SLC6A13: variants seen among roughly 807,000 people sequenced by gnomAD.
SLC6A13 encodes sodium- and chloride-dependent GABA transporter 2.
In SLC6A13, 69 loss-of-function variants were observed where a neutral mutation model predicts 72.9. That is an observed-to-expected ratio of 0.95 (90% CI 0.78 to 1.16). The LOEUF (loss-of-function observed/expected upper bound fraction) is 1.16, where lower values mean the gene tolerates loss of function less well. SLC6A13 is among the 50% of genes most tolerant of loss of function. The pLI, the probability that SLC6A13 is intolerant of heterozygous loss-of-function variation, is 0.00. For missense variants in SLC6A13, 735 were observed against 760.5 expected (o/e 0.97, Z 0.39); for synonymous variants, 303 against 303.0 (o/e 1.00, Z 0.00).
chr12:259,730 C>G (rs551801002), intron 2 of SLC6A13, 121 bp downstream of exon 2: 3 of 1,598,836 alleles, frequency 1.9e-6, no homozygotes, highest in East Asian at 4.5e-5. Flanking sequence ...GACCTCTAAG[C>G]GTCCTCCTAC....
chr12:245,325 G>A (rs1565503156), intron 2 of SLC6A13, among the ~76,000 whole-genome samples: 1 of 152,154 alleles, frequency 6.6e-6, no homozygotes, highest in Non-Finnish European at 1.5e-5. Flanking sequence ...AATCTTAAAA[G>A]CAAGATATAA....
intron 14 of SLC6A13, 44 bp downstream of exon 14, chr12:221,332 C>G: frequency 6.5e-7 from 1 of 1,529,012 alleles, no homozygotes; most frequent in Admixed American, 2.1e-5. Flanking sequence ...ACCTGCGAAG[C>G]CTCCCAGCCC....
chr12:260,666 A>T (rs1942896643), intron 1 of SLC6A13, among the ~76,000 whole-genome samples: 1 of 150,332 alleles, frequency 6.7e-6, no homozygotes, highest in African/African-American at 2.5e-5. Flanking sequence ...ATATATAATC[A>T]TTAAAACCTG....
At chr12:225,133 C>T (rs531836326) in intron 9 of SLC6A13, among the ~76,000 whole-genome samples, 4 of 152,386 alleles carry the variant, frequency 2.6e-5, no homozygotes, top group African/African-American at 9.6e-5. Flanking sequence ...TCGACTGACT[C>T]ATATGGCAGG....
In SLC6A13 at chr12:223,650, G is replaced by A. The variant is rs190902621; in HGVS notation, c.1311+342C>T. On this transcript the variant is annotated intron_variant, in intron 11 of 14. Transcript: ENST00000343164. ...ACCCAGCCCCAGGCCTCCCTTTCTC[G>A]CTTTGAAGTTTGTACATAGAACTTG... 1.8e-4 allele frequency: 58 copies of A among 329,980 alleles called. 1 individual carries two copies. The highest frequency in any genetic ancestry group is 6.3e-4 in the Admixed American group (15 of 23,948). 20.4% of individuals were successfully genotyped at this position (329,980 alleles called of 1,614,324 possible).
intron 1 of SLC6A13, among the ~76,000 whole-genome samples, chr12:262,373 G>C (rs909922043): frequency 6.6e-5 from 10 of 152,214 alleles, no homozygotes; most frequent in African/African-American, 2.4e-4. Flanking sequence ...GGGGATGATA[G>C]ATAGGATATA....
At chr12:251,868 T>C (rs1332495719) in intron 2 of SLC6A13, among the ~76,000 whole-genome samples, 3 of 151,694 alleles carry the variant, frequency 2.0e-5, no homozygotes, top group Non-Finnish European at 4.4e-5. Flanking sequence ...GAGGCTGTGG[T>C]GGGAAGATCA....
intron 2 of SLC6A13, among the ~76,000 whole-genome samples, chr12:258,792 A>G (rs1004869933): frequency 2.6e-5 from 4 of 152,224 alleles, no homozygotes; most frequent in African/African-American, 2.4e-5. Context: ...TGAGAAGCCA[A>G]TGATGACACA....
At position 242,682 on chromosome 12, in the gene SLC6A13, AG is replaced by A; in HGVS notation, c.409del (p.Leu137CysfsTer36). The A allele has an allele frequency of 6.2e-7, 1 of 1,612,410 alleles. No homozygotes were observed. The highest frequency in any genetic ancestry group is 8.5e-7 in the Non-Finnish European group (1 of 1,179,368). Reference sequence around the variant, plus strand: ...GGTGAAGCTGCTGAAGAGGTAGAACAGGGCCCAGGCCAACACAATGATGTAG... The same window carrying A: ...GGTGAAGCTGCTGAAGAGGTAGAACAGGCCCAGGCCAACACAATGATGTAG... The part of the protein sequence containing the change: ...VYYIIVLAWA[L>X]FYLFSSFTID... On this transcript the variant is annotated frameshift_variant, in exon 4 of 15. Coordinates refer to ENST00000343164, the MANE Select transcript of SLC6A13 (RefSeq NM_016615.5). LOFTEE classifies it high-confidence loss of function.
chr12:262,341 T>C (rs1490264600), intron 1 of SLC6A13, among the ~76,000 whole-genome samples: 1 of 152,320 alleles, frequency 6.6e-6, no homozygotes, highest in South Asian at 2.1e-4. Context: ...CTCTGAGCCT[T>C]AGTTTGTTCA....
chr12:250,480 GTGTA>G (rs1197057281), intron 2 of SLC6A13, among the ~76,000 whole-genome samples: 4 of 152,114 alleles, frequency 2.6e-5, no homozygotes, highest in Admixed American at 2.0e-4. Context: ...CAAATCAATT[GTGTA>G]TGTATTAGGA....
At chr12:256,274 C>T (rs577610690) in intron 2 of SLC6A13, among the ~76,000 whole-genome samples, 3 of 152,050 alleles carry the variant, frequency 2.0e-5, no homozygotes, top group South Asian at 2.1e-4. Flanking sequence ...GCTTTTGCTA[C>T]GTGCTCAGTA....
chr12:260,199 C>A, intron 1 of SLC6A13, 142 bp from the exon 2 acceptor site: 1 of 835,826 alleles, frequency 1.2e-6, no homozygotes, highest in Non-Finnish European at 1.9e-6. Context: ...ACCATGTCCT[C>A]CTTAGCAGTT....
chr12:260,184 T>C, intron 1 of SLC6A13, 127 bp from the exon 2 acceptor site: 1 of 951,120 alleles, frequency 1.1e-6, no homozygotes, highest in Non-Finnish European at 1.6e-6. Flanking sequence ...TTCCCTTCCC[T>C]GTAGACCATG....
At chr12:262,497 T>C (rs578028524) in intron 1 of SLC6A13, among the ~76,000 whole-genome samples, 12 of 152,360 alleles carry the variant, frequency 7.9e-5, no homozygotes, top group Admixed American at 6.5e-4. Context: ...CATTGTTCTC[T>C]TTTCTCAGAG....
At position 224,424 on chromosome 12, in the gene SLC6A13, C is replaced by A. The variant is rs777717835; in HGVS notation, c.1150G>T (p.Val384Phe). 6 of 1,613,914 alleles carry A rather than the reference C, an allele frequency of 3.7e-6. No homozygotes were observed. The highest frequency in any genetic ancestry group is 5.1e-6 in the Non-Finnish European group (6 of 1,179,932). ...LWACCFFFMV[V>F]LLGLDSQFVC... The stretch of plus-strand genomic sequence containing the variant: ...ACCTGGCTATCCAGTCCCAGGAGAA[C>A]GACCATGAAGAAGAAACAGCAGGCC... The change falls in exon 10 of 15, where the codon GTT (valine) becomes TTT (phenylalanine). Residue 384 changes from valine to phenylalanine, a missense_variant. Transcript: ENST00000343164.
intron 2 of SLC6A13, among the ~76,000 whole-genome samples, chr12:248,621 A>G (rs776010464): frequency 6.6e-6 from 1 of 152,210 alleles, no homozygotes; most frequent in South Asian, 2.1e-4. Context: ...GAGCTTCAAA[A>G]TGCACGAAGC....
Position 222,608 on chromosome 12 carries a change from A to C in SLC6A13, c.1439T>G (p.Ile480Ser). The C allele has an allele frequency of 6.2e-7, 1 of 1,609,352 alleles. No homozygotes were observed. Among genetic ancestry groups the C allele is most frequent in the Middle Eastern group, 1.7e-4 (1 of 6,060 alleles). ...VYGAKRFYDN[I>S]EDMIGYRPWP... ...TGGCCTGTACCCAATCATGTCTTCG[A>C]TGTTGTCGTAGAAGCGCTTGGCTCC... Residue 480 changes from isoleucine to serine, a missense_variant, in exon 13 of 15, where the codon ATC (isoleucine) becomes AGC (serine). Ile to Ser is a moderately radical substitution (Grantham distance 142, BLOSUM62 -2). Transcript: ENST00000343164.
intron 5 of SLC6A13, among the ~76,000 whole-genome samples, chr12:237,612 G>A (rs908165144): frequency 6.6e-6 from 1 of 152,066 alleles, no homozygotes; most frequent in Non-Finnish European, 1.5e-5. Flanking sequence ...TGGGGGGAGG[G>A]GGTGGGTCAG....
Sources: gnomAD v4.1 joint callset for allele counts (sites outside exome capture counted in the v4.1 genomes callset) on GRCh38, gnomAD v4.1.1 for gene constraint, MANE v1.5 for transcripts, NCBI Gene and HGNC (gene_info 2026-07-23, HGNC 2026-07-21) for gene names.